The following KAZN variants were observed in gnomAD, a reference collection of about 807,000 sequenced individuals.
KAZN encodes kazrin.
KAZN carries 40 observed loss-of-function variants against 87.4 expected under a neutral mutation model. The observed-to-expected ratio is 0.46, with a 90% CI of 0.36 to 0.60. The LOEUF is 0.60. KAZN is among the 20% of genes least tolerant of loss of function. The pLI is 0.00. For missense variants in KAZN, 898 were observed against 1,073.9 expected (o/e 0.84, Z 2.29); for synonymous variants, 466 against 458.3 (o/e 1.02, Z -0.22).
chr1:13,990,494 A>AT (rs1639226584), intron 1 of KAZN, among the ~76,000 whole-genome samples: 1 of 147,488 alleles, frequency 6.8e-6, no homozygotes, highest in Non-Finnish European at 1.5e-5. Flanking sequence ...GTAGGTAGAA[A>AT]AAAATCAACA....
At chr1:14,311,749 A>G (rs555378043) in intron 2 of KAZN, among the ~76,000 whole-genome samples, 2 of 152,058 alleles carry the variant, frequency 1.3e-5, no homozygotes, top group Admixed American at 1.3e-4. Context: ...TGGAAGGATG[A>G]ATGGATAAAT....
intron 2 of KAZN, among the ~76,000 whole-genome samples, chr1:14,401,762 A>G (rs1663428202): frequency 6.6e-6 from 1 of 152,178 alleles, no homozygotes; most frequent in Non-Finnish European, 1.5e-5. Context: ...AAATAATATC[A>G]TTAGTTCAGT....
chr1:14,848,726 C>T (rs372748997), intron 1 of KAZN, among the ~76,000 whole-genome samples: 54 of 152,320 alleles, frequency 3.5e-4, no homozygotes, highest in Middle Eastern at 3.4e-3. Flanking sequence ...ATTAAAACGT[C>T]GCCATCCATC....
At chr1:14,228,210 C>T (rs1299772095) in intron 2 of KAZN, among the ~76,000 whole-genome samples, 1 of 152,110 alleles carries the variant, frequency 6.6e-6, no homozygotes, top group Non-Finnish European at 1.5e-5. Flanking sequence ...ATGATGATGG[C>T]AATGACAGCA....
At chr1:14,571,766 T>A (rs973037247) in intron 2 of KAZN, among the ~76,000 whole-genome samples, 2 of 152,160 alleles carry the variant, frequency 1.3e-5, no homozygotes, top group Non-Finnish European at 2.9e-5. Context: ...CATAGAGATT[T>A]ACCCTTCATC....
intron 2 of KAZN, among the ~76,000 whole-genome samples, chr1:14,310,479 C>T (rs1213302945): frequency 6.6e-6 from 1 of 152,166 alleles, no homozygotes; most frequent in African/African-American, 2.4e-5. Flanking sequence ...ATAAATCTCT[C>T]TATTGGTTCC....
chr1:14,162,972 C>CA (rs1645743349), intron 1 of KAZN, among the ~76,000 whole-genome samples: 1 of 147,714 alleles, frequency 6.8e-6, no homozygotes. Context: ...TAAATCTTGG[C>CA]TTTTTTTTTT....
chr1:14,103,188 C>T (rs11590196), intron 1 of KAZN, among the ~76,000 whole-genome samples: 40,555 of 151,894 alleles, frequency 0.27, 5,717 homozygotes, highest in East Asian at 0.54. Flanking sequence ...CTCAAAGTGC[C>T]GGGATTACAG....
At chr1:14,065,840 T>G (rs148873404) in intron 1 of KAZN, among the ~76,000 whole-genome samples, 346 of 152,272 alleles carry the variant, frequency 2.3e-3, no homozygotes, top group African/African-American at 7.9e-3. Flanking sequence ...ATATATAGGG[T>G]ACAAGTGGTT....
chr1:14,945,467 G>A (rs1186534334), intron 1 of KAZN, among the ~76,000 whole-genome samples: 2 of 152,120 alleles, frequency 1.3e-5, no homozygotes, highest in African/African-American at 4.8e-5. Context: ...GTGCCCCTCT[G>A]AAAAATCCCA....
chr1:14,730,898 G>T (rs868484553), intron 1 of KAZN, among the ~76,000 whole-genome samples: 2 of 152,054 alleles, frequency 1.3e-5, no homozygotes, highest in Admixed American at 1.3e-4. Flanking sequence ...TCCCTCTTGT[G>T]CCAGGGACTC....
intron 1 of KAZN, among the ~76,000 whole-genome samples, chr1:13,947,630 A>T (rs984873059): frequency 3.9e-5 from 6 of 152,194 alleles, no homozygotes; most frequent in Admixed American, 2.0e-4. Flanking sequence ...TGGCTGCCGT[A>T]ACAAATACTT....
At chr1:14,638,584 A>C (rs1348213622) in intron 1 of KAZN, among the ~76,000 whole-genome samples, 4 of 151,904 alleles carry the variant, frequency 2.6e-5, no homozygotes, top group East Asian at 1.9e-4. Flanking sequence ...AAAAACAAAA[A>C]AAAAAAAACA....
At chr1:14,785,083 G>T (rs563467026) in intron 1 of KAZN, among the ~76,000 whole-genome samples, 63 of 152,038 alleles carry the variant, frequency 4.1e-4, no homozygotes, top group African/African-American at 1.5e-3. Flanking sequence ...GGTGTTTAAG[G>T]AGTGGCGTGG....
intron 2 of KAZN, among the ~76,000 whole-genome samples, chr1:14,970,937 T>C (rs1463885275): frequency 6.6e-6 from 1 of 152,158 alleles, no homozygotes; most frequent in African/African-American, 2.4e-5. Context: ...CTGCATCACT[T>C]TGGAGTGATA....
chr1:14,917,213 T>A (rs1657907974), intron 1 of KAZN, among the ~76,000 whole-genome samples: 1 of 152,154 alleles, frequency 6.6e-6, no homozygotes, highest in African/African-American at 2.4e-5. Flanking sequence ...AGTAAAATCC[T>A]CACCCCACCA....
At position 14,111,221 on chromosome 1, in the gene KAZN, G is replaced by T. The variant is rs770061751; in HGVS notation, c.92-69214G>T. Among the ~76,000 whole-genome samples the T allele has an allele frequency of 3.0e-5, 4 of 134,580 alleles. 2 individuals are homozygous for T. The highest frequency in any genetic ancestry group is 7.6e-3 in the Middle Eastern group (2 of 264). The allele number at this position is 134,580 out of a possible 152,430, so 88.3% of individuals were successfully genotyped here. A position where few individuals can be genotyped will look rare whatever the true frequency, so the allele number is the denominator to read the frequency against. ...CCACCCAGGGCCTCTGCATCAGGGC[G>T]CCTAGCCACAGCACACACGCGGGCT... On this transcript the variant is annotated intron_variant, in intron 1 of 16. Transcript: ENST00000636203.
intron 2 of KAZN, among the ~76,000 whole-genome samples, chr1:14,557,075 G>A (rs1673927430): frequency 6.6e-6 from 1 of 152,036 alleles, no homozygotes; most frequent in African/African-American, 2.4e-5. Flanking sequence ...GAAATAGCAG[G>A]GGGATGAAAA....
At chr1:14,171,963 G>T (rs1645963386) in intron 1 of KAZN, among the ~76,000 whole-genome samples, 1 of 149,172 alleles carries the variant, frequency 6.7e-6, no homozygotes. Flanking sequence ...GTCAAAGCGT[G>T]TCATTTTTTT....
Sources: allele counts gnomAD v4.1 joint callset (sites outside exome capture counted in the v4.1 genomes callset), GRCh38; gene constraint gnomAD v4.1.1; transcripts MANE v1.5; gene names NCBI Gene and HGNC (gene_info 2026-07-23, HGNC 2026-07-21).